Variants in KIAA1549L observed in about 807,000 individuals in gnomAD.
KIAA1549L encodes the protein KIAA1549 like, also known as UPF0606 protein KIAA1549L.
In KIAA1549L, 88 loss-of-function variants were observed where a neutral mutation model predicts 160.7. The ratio of observed to expected loss-of-function variants is 0.55; its 90% CI spans 0.46 to 0.65. The LOEUF (loss-of-function observed/expected upper bound fraction) is 0.65, where lower values mean the gene tolerates loss of function less well. KIAA1549L is among the 30% of genes least tolerant of loss of function. The pLI is 0.00. For missense variants in KIAA1549L, 2,258 were observed against 2,437.5 expected, an observed-to-expected ratio of 0.93 and a Z score of 1.55; for synonymous variants, 950 against 976.7, an observed-to-expected ratio of 0.97 and a Z score of 0.51.
At chr11:33,528,684 C>G (rs1853669010) in intron 1 of KIAA1549L, among the ~76,000 whole-genome samples, 1 of 152,166 alleles carries the variant, frequency 6.6e-6, no homozygotes, top group African/African-American at 2.4e-5. Context: ...TTGCAGCAAC[C>G]TGGATGGAGC....
intron 1 of KIAA1549L, among the ~76,000 whole-genome samples, chr11:33,486,977 G>A (rs1337797865): frequency 6.6e-6 from 1 of 152,166 alleles, no homozygotes; most frequent in Non-Finnish European, 1.5e-5. Flanking sequence ...GTGGCTTTAA[G>A]CATTTTAAAC....
intron 18 of KIAA1549L, 94 bp downstream of exon 18, chr11:33,656,203 C>A: frequency 1.1e-6 from 1 of 876,260 alleles, no homozygotes; most frequent in Non-Finnish European, 1.9e-6. Context: ...AAATTTCCTT[C>A]ATGCTCCACC....
intron 16 of KIAA1549L, among the ~76,000 whole-genome samples, chr11:33,635,095 C>G (rs963735734): frequency 6.6e-6 from 1 of 152,178 alleles, no homozygotes; most frequent in Non-Finnish European, 1.5e-5. Context: ...TGCCAAAGGT[C>G]TCTCTGCTCC....
intron 12 of KIAA1549L, among the ~76,000 whole-genome samples, chr11:33,593,418 G>A (rs1390531641): frequency 6.6e-6 from 1 of 152,206 alleles, no homozygotes; most frequent in East Asian, 1.9e-4. Context: ...CAGCCTGGAT[G>A]ACAGAGTGAG....
chr11:33,616,618 T>A (rs1037576504), intron 15 of KIAA1549L, among the ~76,000 whole-genome samples: 1 of 152,238 alleles, frequency 6.6e-6, no homozygotes, highest in Non-Finnish European at 1.5e-5. Flanking sequence ...TGGTGTCTGC[T>A]GTATTCCCAA....
Position 33,567,985 on chromosome 11 carries a change from G to C in KIAA1549L, c.4079-91G>C, listed in dbSNP as rs1174768327. On this transcript the variant is annotated intron_variant, in intron 8 of 20. Transcript: ENST00000658780. ...CATGAGGTAGGACACAGTGGCCCTT[G>C]GTGGCCTGTGCAGGGTCAGTGGTGC... The C allele has an allele frequency of 3.7e-6, 5 of 1,336,982 alleles. No individual in the cohort carries two copies. The East Asian group carries it at 1.3e-4, about 36-fold the overall frequency. 82.8% of individuals were successfully genotyped at this position (1,336,982 alleles called of 1,614,324 possible).
intron 1 of KIAA1549L, among the ~76,000 whole-genome samples, chr11:33,426,764 A>G (rs1851124826): frequency 6.6e-6 from 1 of 152,140 alleles, no homozygotes; most frequent in African/African-American, 2.4e-5. Context: ...ATGGAGTGGA[A>G]ATCTGACTGC....
chr11:33,422,065 C>A (rs2134105263), intron 1 of KIAA1549L, among the ~76,000 whole-genome samples: 1 of 152,262 alleles, frequency 6.6e-6, no homozygotes, highest in African/African-American at 2.4e-5. Flanking sequence ...TATCCCTCCC[C>A]CATGAAGTCC....
chr11:33,566,968 G>T (rs1055999573), intron 8 of KIAA1549L, among the ~76,000 whole-genome samples: 1 of 152,224 alleles, frequency 6.6e-6, no homozygotes, highest in African/African-American at 2.4e-5. Context: ...TTTGAAGGCA[G>T]CCTTTGTGTG....
intron 6 of KIAA1549L, among the ~76,000 whole-genome samples, chr11:33,559,403 G>C (rs1000605189): frequency 2.0e-5 from 3 of 152,170 alleles, no homozygotes; most frequent in Admixed American, 1.3e-4. Flanking sequence ...AATCACCTGG[G>C]TTCAAATCCT....
chr11:33,445,904 A>T (rs1290760058), intron 1 of KIAA1549L, among the ~76,000 whole-genome samples: 1 of 152,204 alleles, frequency 6.6e-6, no homozygotes, highest in Non-Finnish European at 1.5e-5. Flanking sequence ...GTGGGCCCTC[A>T]TAGACACTGA....
chr11:33,482,725 A>G (rs968889666), intron 1 of KIAA1549L, among the ~76,000 whole-genome samples: 1 of 151,748 alleles, frequency 6.6e-6, no homozygotes, highest in South Asian at 2.1e-4. Flanking sequence ...ACGTGCCACC[A>G]TACCTGGCTA....
rs201551936 is a variant in KIAA1549L at position 33,440,120 on chromosome 11, C to CTTTTTTTTTTTT, written c.238+63247_238+63258dup. Among the ~76,000 whole-genome samples, 133 of 83,418 alleles carry CTTTTTTTTTTTT rather than the reference C, an allele frequency of 1.6e-3. 25 individuals are homozygous for CTTTTTTTTTTTT. The highest frequency in any genetic ancestry group is 2.3e-3 in the Non-Finnish European group (94 of 40,740). The allele number at this position is 83,418 out of a possible 152,430, so 54.7% of individuals were successfully genotyped here. Reference sequence around the variant, plus strand: ...GGTTATTTCCTCACCTATTTTGTTTCTTTTTTTTTTTTTTTTTTTTTTTTT... The same window carrying CTTTTTTTTTTTT: ...GGTTATTTCCTCACCTATTTTGTTTCTTTTTTTTTTTTTTTTTTTTTTTTTTTTTTTTTTTTT... On this transcript the variant is annotated intron_variant, in intron 1 of 20. Transcript: ENST00000658780.
chr11:33,544,015 G>C lies in KIAA1549L; in HGVS notation c.2452G>C (p.Val818Leu), dbSNP rs1258793141. The C allele has an allele frequency of 6.2e-7, 1 of 1,613,862 alleles. No homozygotes were observed. The highest frequency in any genetic ancestry group is 8.5e-7 in the Non-Finnish European group (1 of 1,179,904). Residue 818 changes from valine (V) to leucine (L), a missense_variant, in exon 2 of 21, where the codon GTT becomes CTT. By Grantham distance (32) the Val-to-Leu change is conservative. Transcript: ENST00000658780. ...TTCCAGAGACTTCCAAACAGCTGAAGTTGCATATTACTCACCCACAACTCG... is the reference window on the plus strand; with the variant it reads ...TTCCAGAGACTTCCAAACAGCTGAACTTGCATATTACTCACCCACAACTCG... ...NHSRDFQTAEVAYYSPTTRHS... is the reference protein window; with the variant it reads ...NHSRDFQTAELAYYSPTTRHS...
chr11:33,394,546 G>T (rs1468142231), intron 1 of KIAA1549L, among the ~76,000 whole-genome samples: 1 of 152,170 alleles, frequency 6.6e-6, no homozygotes, highest in Non-Finnish European at 1.5e-5. Context: ...TAACCATACT[G>T]GTCCTATATT....
At chr11:33,599,084 C>G in intron 13 of KIAA1549L, 137 bp downstream of exon 13, 1 of 1,013,400 alleles carries the variant, frequency 9.9e-7, no homozygotes, top group Non-Finnish European at 1.4e-6. Context: ...TTCTGCCCCA[C>G]AAGGGCCAGG....
intron 1 of KIAA1549L, among the ~76,000 whole-genome samples, chr11:33,391,151 A>G (rs1850266009): frequency 2.0e-5 from 3 of 152,220 alleles, no homozygotes; most frequent in African/African-American, 7.2e-5. Flanking sequence ...CCTAGTAGGC[A>G]CTCAGCGATG....
At chr11:33,579,314 C>T (rs773375199) in intron 10 of KIAA1549L, among the ~76,000 whole-genome samples, 1 of 151,998 alleles carries the variant, frequency 6.6e-6, no homozygotes, top group Non-Finnish European at 1.5e-5. Context: ...CCAGCAACAC[C>T]CGACAATATC....
chr11:33,496,283 C>T (rs1453621811), intron 1 of KIAA1549L, among the ~76,000 whole-genome samples: 2 of 152,118 alleles, frequency 1.3e-5, no homozygotes, highest in East Asian at 3.9e-4. Context: ...AATGCCAGAT[C>T]TCTCTTCACC....
Sources: allele counts gnomAD v4.1 joint callset (sites outside exome capture counted in the v4.1 genomes callset), GRCh38; gene constraint gnomAD v4.1.1; transcripts MANE v1.5; gene names NCBI Gene and HGNC (gene_info 2026-07-23, HGNC 2026-07-21).